The following SENP7 variants were observed in gnomAD, a reference collection of about 807,000 sequenced individuals.
SENP7 encodes the protein SUMO specific peptidase 7.
A neutral mutation model predicts 141.2 loss-of-function variants in SENP7; 64 were observed. The ratio of observed to expected loss-of-function variants is 0.45; its 90% confidence interval spans 0.37 to 0.56. The LOEUF is 0.56. SENP7 is among the 20% of genes least tolerant of loss of function. The probability of loss-of-function intolerance (pLI) is 0.00; values close to 1 mark genes in which losing one functional copy is unlikely to be tolerated. For missense variants in SENP7, 1,025 were observed against 1,212.2 expected (o/e 0.85, Z 2.29); for synonymous variants, 382 against 426.4 (o/e 0.90, Z 1.28).
intron 5 of SENP7, among the ~76,000 whole-genome samples, chr3:101,405,989 C>G (rs547434274): frequency 6.6e-6 from 1 of 152,264 alleles, no homozygotes; most frequent in South Asian, 2.1e-4. Flanking sequence ...GTTGGTGGGA[C>G]TGTAAACTAG....
At chr3:101,468,507 C>A (rs1191962595) in intron 3 of SENP7, among the ~76,000 whole-genome samples, 1 of 152,184 alleles carries the variant, frequency 6.6e-6, no homozygotes, top group Non-Finnish European at 1.5e-5. Flanking sequence ...AATGGTGGAT[C>A]TCTCGGAAGA....
intron 6 of SENP7, among the ~76,000 whole-genome samples, chr3:101,392,381 A>G (rs1373368194): frequency 1.3e-5 from 2 of 152,232 alleles, no homozygotes; most frequent in Non-Finnish European, 2.9e-5. Context: ...ATCAACATAG[A>G]AAAATCAGTA....
intron 6 of SENP7, among the ~76,000 whole-genome samples, chr3:101,378,096 A>G (rs2060386712): frequency 6.6e-6 from 1 of 151,776 alleles, no homozygotes; most frequent in Non-Finnish European, 1.5e-5. Context: ...TCTTACCACC[A>G]CATTCCTAAA....
At chr3:101,448,815 G>A (rs928318815) in intron 4 of SENP7, among the ~76,000 whole-genome samples, 8 of 152,172 alleles carry the variant, frequency 5.3e-5, no homozygotes, top group African/African-American at 1.4e-4. Flanking sequence ...AAAAATCAGA[G>A]CACCTCTCCT....
Position 101,398,949 on chromosome 3 carries a change from G to A in SENP7, c.589C>T (p.Gln197Ter). 1 of 1,613,850 alleles carries A rather than the reference G, an allele frequency of 6.2e-7. No homozygotes were observed. Among genetic ancestry groups the A allele is most frequent in the Non-Finnish European group, 8.5e-7 (1 of 1,179,810 alleles). Residue 197 changes from glutamine to a stop codon, truncating the protein, a stop_gained, in exon 6 of 24, where the codon CAA becomes TAA. Coordinates refer to ENST00000394095, the MANE Select transcript of SENP7 (RefSeq NM_020654.5). LOFTEE classifies it high-confidence loss of function. ...GATGATGAAGAAAGTTGCTCTGATT[G>A]CAAGTTGTCTGTATCACTCAAACTT... Reference protein sequence around the residue: ...EGSLSDTDNLQSEQLSSSSDG... With the variant: ...EGSLSDTDNL
At chr3:101,330,958 C>T (rs2059032153) in intron 19 of SENP7, among the ~76,000 whole-genome samples, 1 of 151,982 alleles carries the variant, frequency 6.6e-6, no homozygotes, top group South Asian at 2.1e-4. Context: ...TAGATTTTGG[C>T]TTGTAAGAAA....
intron 13 of SENP7, among the ~76,000 whole-genome samples, chr3:101,347,076 G>T (rs779844165): frequency 2.6e-5 from 4 of 151,872 alleles, no homozygotes; most frequent in Non-Finnish European, 4.4e-5. Flanking sequence ...GATAGAAATT[G>T]CCAGGTATGG....
chr3:101,459,233 C>T (rs2063468636), intron 3 of SENP7, among the ~76,000 whole-genome samples, 181 bp from the exon 4 acceptor site: 1 of 151,884 alleles, frequency 6.6e-6, no homozygotes, highest in South Asian at 2.1e-4. Context: ...TGTAAGTCCA[C>T]CAAAAAATAC....
intron 5 of SENP7, among the ~76,000 whole-genome samples, chr3:101,410,527 C>T (rs1004189334): frequency 2.0e-5 from 3 of 152,156 alleles, no homozygotes; most frequent in African/African-American, 7.2e-5. Flanking sequence ...AACCCAAATG[C>T]CCATCCATCA....
chr3:101,360,043 T>C (rs1046890400), intron 11 of SENP7, among the ~76,000 whole-genome samples: 1 of 152,050 alleles, frequency 6.6e-6, no homozygotes, highest in Non-Finnish European at 1.5e-5. Flanking sequence ...TCAACAGAAA[T>C]AACTGGGTAA....
At chr3:101,478,814 C>G (rs1346114525) in intron 3 of SENP7, among the ~76,000 whole-genome samples, 1 of 152,130 alleles carries the variant, frequency 6.6e-6, no homozygotes, top group African/African-American at 2.4e-5. Flanking sequence ...TTATTAATAG[C>G]ATACCGAATC....
intron 19 of SENP7, 135 bp downstream of exon 19, chr3:101,331,850 G>A (rs1447040056): frequency 1.2e-6 from 1 of 860,110 alleles, no homozygotes; most frequent in Non-Finnish European, 1.7e-6. Context: ...AAAAATTTCA[G>A]ATTTTTTATT....
At position 101,342,927 on chromosome 3, in the gene SENP7, A is replaced by T. The variant is rs145738723; in HGVS notation, c.2106+759T>A. The stretch of plus-strand genomic sequence containing the variant: ...GTGATCCACCTGCCTCGGCCTCCCA[A>T]AGTGCTGGGATTACAGGTGTAAGCC... On this transcript the variant is annotated intron_variant, in intron 14 of 23. Transcript: ENST00000394095. 6.2e-3 allele frequency among the ~76,000 whole-genome samples: 951 copies of T among 152,260 alleles called. 16 individuals carry two copies. The highest frequency in any genetic ancestry group is 0.021 in the African/African-American group (875 of 41,540).
chr3:101,360,797 G>A (rs1233478435), intron 11 of SENP7, among the ~76,000 whole-genome samples: 2 of 152,208 alleles, frequency 1.3e-5, no homozygotes, highest in African/African-American at 4.8e-5. Flanking sequence ...AGCAAAGGGA[G>A]AAGTTAATTC....
At chr3:101,344,139 C>A (rs2059395006) in intron 13 of SENP7, among the ~76,000 whole-genome samples, 185 bp from the exon 14 acceptor site, 1 of 152,136 alleles carries the variant, frequency 6.6e-6, no homozygotes, top group Non-Finnish European at 1.5e-5. Flanking sequence ...CCAAAACTCA[C>A]AATTGGTGGA....
chr3:101,421,783 T>C (rs1030185418), intron 4 of SENP7, among the ~76,000 whole-genome samples: 2 of 152,186 alleles, frequency 1.3e-5, no homozygotes, highest in Non-Finnish European at 2.9e-5. Context: ...TCTAAACATC[T>C]ACAACATTTA....
At chr3:101,407,642 A>G (rs1030938261) in intron 5 of SENP7, among the ~76,000 whole-genome samples, 1 of 152,222 alleles carries the variant, frequency 6.6e-6, no homozygotes, top group Admixed American at 6.5e-5. Context: ...GAACCTTCAA[A>G]ACCATGCAAA....
At chr3:101,431,864 A>C (rs1231114464) in intron 4 of SENP7, among the ~76,000 whole-genome samples, 1 of 125,914 alleles carries the variant, frequency 7.9e-6, no homozygotes, top group Non-Finnish European at 1.8e-5. Context: ...AACTGGCCAA[A>C]TACTAAAGAA....
rs1576789337 is a variant in SENP7, at chr3:101,327,441, C to T, written c.3015+225G>A. ...CTCTCATTCTTCTCCTTGCTGCTAT[C>T]ATGTAAAAAAGGATATGTTTGCTTC... On this transcript the variant is annotated intron_variant, in intron 23 of 23. Coordinates refer to ENST00000394095, the MANE Select transcript of SENP7 (RefSeq NM_020654.5). 3.9e-5 allele frequency among the ~76,000 whole-genome samples: 6 copies of T among 152,040 alleles called. No homozygotes were observed. The South Asian group carries it at 1.2e-3, about 31-fold the overall frequency.
Sources: gnomAD v4.1 joint callset for allele counts (sites outside exome capture counted in the v4.1 genomes callset) on GRCh38, gnomAD v4.1.1 for gene constraint, MANE v1.5 for transcripts, NCBI Gene and HGNC (gene_info 2026-07-23, HGNC 2026-07-21) for gene names.